The following PACRG variants were observed in gnomAD, a reference collection of about 807,000 sequenced individuals.
PACRG encodes parkin coregulated.
A neutral mutation model predicts 29.7 loss-of-function variants in PACRG; 29 were observed. The observed-to-expected ratio is 0.98, with a 90% CI of 0.73 to 1.33. PACRG has a LOEUF of 1.33. Ranked by LOEUF, PACRG falls within the 40% of genes most tolerant of loss-of-function variation. PACRG has a pLI of 0.00. For synonymous variants in PACRG, 116 were observed against 118.7 expected, an observed-to-expected ratio of 0.98 and a Z score of 0.15; for missense variants, 279 against 316.2, an observed-to-expected ratio of 0.88 and a Z score of 0.89.
intron 4 of PACRG, among the ~76,000 whole-genome samples, chr6:163,106,022 T>C (rs573213836): frequency 2.7e-4 from 41 of 152,294 alleles, no homozygotes; most frequent in Middle Eastern, 3.4e-3. Flanking sequence ...AACAGTTATT[T>C]AGTGCTTTTT....
intron 2 of PACRG, among the ~76,000 whole-genome samples, chr6:163,014,950 A>G (rs1370758821): frequency 1.3e-5 from 2 of 152,246 alleles, no homozygotes; most frequent in East Asian, 1.9e-4. Flanking sequence ...GACATTTCCT[A>G]CATTTTCTTC....
intron 4 of PACRG, among the ~76,000 whole-genome samples, chr6:163,123,718 T>G (rs1477814900): frequency 6.6e-6 from 1 of 152,244 alleles, no homozygotes; most frequent in Non-Finnish European, 1.5e-5. Flanking sequence ...CATCTGACTA[T>G]TTTTAGATGC....
chr6:162,865,165 C>T (rs1007684634), intron 2 of PACRG, among the ~76,000 whole-genome samples: 2 of 152,166 alleles, frequency 1.3e-5, no homozygotes, highest in African/African-American at 4.8e-5. Context: ...GACTGCGGCT[C>T]TCAATGATAA....
intron 2 of PACRG, among the ~76,000 whole-genome samples, chr6:162,865,222 A>G (rs749217906): frequency 2.0e-5 from 3 of 152,182 alleles, no homozygotes; most frequent in Non-Finnish European, 4.4e-5. Context: ...TCTGGTCTGA[A>G]TGCTATTTGA....
intron 2 of PACRG, among the ~76,000 whole-genome samples, chr6:162,958,878 TATATATAGAGAGAGAGAGAGAGAGAG>T (rs1442346024): frequency 7.2e-3 from 145 of 20,146 alleles, no homozygotes; most frequent in South Asian, 0.02. Context: ...TATATATATA[TATATATAGAGAGAGAGAGAGAGAGAG>T]AGAGAGAGAG....
chr6:163,086,867 G>A (rs1813607320), intron 3 of PACRG, among the ~76,000 whole-genome samples: 1 of 152,020 alleles, frequency 6.6e-6, no homozygotes, highest in Non-Finnish European at 1.5e-5. Flanking sequence ...ATTTCCTCTG[G>A]AATCACTAGA....
In PACRG at chr6:162,889,773, T is replaced by C. The variant is rs146956983; in HGVS notation, c.291+75492T>C. On this transcript the variant is annotated intron_variant, in intron 2 of 4. Transcript: ENST00000366888. Reference sequence around the variant, plus strand: ...CCGGTTATTTTCCATTTCAGTTACTTCCAAGACTCTTCGATATGCACTTAC... The same window carrying C: ...CCGGTTATTTTCCATTTCAGTTACTCCCAAGACTCTTCGATATGCACTTAC... Among the ~76,000 whole-genome samples the C allele has an allele frequency of 7.9e-4, 120 of 152,384 alleles. 2 individuals are homozygous for C. The highest frequency in any genetic ancestry group is 1.4e-3 in the Non-Finnish European group (93 of 68,028).
chr6:163,037,739 A>T (rs769347754), intron 2 of PACRG, among the ~76,000 whole-genome samples: 2 of 152,184 alleles, frequency 1.3e-5, no homozygotes, highest in East Asian at 1.9e-4. Flanking sequence ...GTGCACATGC[A>T]TGCACACACA....
intron 2 of PACRG, among the ~76,000 whole-genome samples, chr6:162,846,341 G>A (rs1790377268): frequency 6.6e-6 from 1 of 152,156 alleles, no homozygotes; most frequent in Non-Finnish European, 1.5e-5. Context: ...CAGAGATACG[G>A]GAAGTGCATT....
intron 4 of PACRG, among the ~76,000 whole-genome samples, chr6:163,099,313 G>T (rs749374188): frequency 6.6e-6 from 1 of 152,154 alleles, no homozygotes; most frequent in Non-Finnish European, 1.5e-5. Context: ...TTCAGCTAAG[G>T]CCTTACAGAT....
chr6:162,955,352 T>C (rs1799938822), intron 2 of PACRG, among the ~76,000 whole-genome samples: 1 of 152,152 alleles, frequency 6.6e-6, no homozygotes, highest in Non-Finnish European at 1.5e-5. Flanking sequence ...CAAGCTGGAG[T>C]GCAGTGGTGT....
chr6:163,245,463 C>T (rs189834195), intron 4 of PACRG, among the ~76,000 whole-genome samples: 21 of 152,184 alleles, frequency 1.4e-4, no homozygotes, highest in African/African-American at 3.4e-4. Flanking sequence ...CGCACAGAGC[C>T]GGCGTCTCCG....
At chr6:163,312,608 A>G (rs1020869274) in intron 4 of PACRG, among the ~76,000 whole-genome samples, 2 of 151,816 alleles carry the variant, frequency 1.3e-5, no homozygotes, top group African/African-American at 4.9e-5. Context: ...TAAGAAATAT[A>G]AACAGAAAAA....
chr6:163,112,700 G>A (rs1815778326), intron 4 of PACRG, among the ~76,000 whole-genome samples: 1 of 152,120 alleles, frequency 6.6e-6, no homozygotes, highest in Non-Finnish European at 1.5e-5. Context: ...AAGACCTTAG[G>A]TTTACACCTC....
chr6:163,185,415 T>C (rs1359252664), intron 4 of PACRG, among the ~76,000 whole-genome samples: 1 of 152,194 alleles, frequency 6.6e-6, no homozygotes, highest in East Asian at 1.9e-4. Flanking sequence ...CCAGGACAGT[T>C]CAGGGTTGTC....
chr6:162,969,006 C>T (rs913064272), intron 2 of PACRG, among the ~76,000 whole-genome samples: 1 of 147,020 alleles, frequency 6.8e-6, no homozygotes, highest in Non-Finnish European at 1.5e-5. Flanking sequence ...GAGATCGCAC[C>T]ACTGCCCTCC....
rs565104285 is a variant in PACRG at position 163,100,216 on chromosome 6, G to A, written c.613+10808G>A. Among the ~76,000 whole-genome samples, 44 of 152,068 alleles carry A rather than the reference G, an allele frequency of 2.9e-4. 1 individual carries two copies. In the South Asian group the frequency reaches 8.5e-3, roughly 29 times the overall value. ...CCTCCACGGCCCTGCAGCTGCATTC[G>A]CCTCAGCCTCTCGTGCTGGGATCCC... is the stretch of plus-strand genomic sequence containing the variant. On this transcript the variant is annotated intron_variant, in intron 4 of 4. Transcript: ENST00000366888.
At chr6:163,268,051 A>G (rs1055915031) in intron 4 of PACRG, among the ~76,000 whole-genome samples, 5 of 152,228 alleles carry the variant, frequency 3.3e-5, no homozygotes, top group African/African-American at 1.2e-4. Context: ...TTAGCACATT[A>G]ATTTAAATGA....
chr6:162,742,476 A>G (rs1414405412), intron 1 of PACRG, among the ~76,000 whole-genome samples: 2 of 152,178 alleles, frequency 1.3e-5, no homozygotes, highest in African/African-American at 4.8e-5. Flanking sequence ...CTTTATTACC[A>G]ATAGGAGAAT....
Sources: allele counts gnomAD v4.1 joint callset (sites outside exome capture counted in the v4.1 genomes callset), GRCh38; gene constraint gnomAD v4.1.1; transcripts MANE v1.5; gene names NCBI Gene and HGNC (gene_info 2026-07-23, HGNC 2026-07-21).